Variants in RARB observed in about 807,000 individuals in gnomAD.
RARB encodes retinoic acid receptor beta, also known as HBV-activated protein.
RARB carries 17 observed loss-of-function variants against 51.9 expected under a neutral mutation model. The observed-to-expected ratio is 0.33, with a 90% CI of 0.22 to 0.49. RARB has a LOEUF of 0.49. Among genes scored for constraint, RARB ranks in the 20% least tolerant of loss-of-function variants. The pLI is 0.99. For synonymous variants in RARB, 215 were observed against 195.4 expected (o/e 1.10, Z -0.84); for missense variants, 369 against 550.8 (o/e 0.67, Z 3.30).
intron 2 of RARB, among the ~76,000 whole-genome samples, chr3:24,905,491 C>G (rs1401314833): frequency 3.3e-5 from 5 of 152,202 alleles, no homozygotes; most frequent in African/African-American, 9.6e-5. Context: ...ACTCATTCCT[C>G]TCTACGGATG....
At chr3:25,420,787 T>A (rs1273394240) in intron 5 of RARB, among the ~76,000 whole-genome samples, 2 of 151,974 alleles carry the variant, frequency 1.3e-5, no homozygotes, top group Admixed American at 6.5e-5. Flanking sequence ...GTGGATGGAT[T>A]GGTGGATGGA....
At chr3:24,972,058 T>G (rs950459551) in intron 2 of RARB, among the ~76,000 whole-genome samples, 1 of 151,914 alleles carries the variant, frequency 6.6e-6, no homozygotes, top group Non-Finnish European at 1.5e-5. Context: ...ATTAACTATA[T>G]TCAGCCTATG....
chr3:25,309,864 A>T lies in RARB; in HGVS notation c.178+135289A>T, dbSNP rs529084655. ...ATTCTCTTTTACATTACCCCTACACATGAAGGATGGCTTCTTCCAGACTGT... is the reference window on the plus strand; with the variant it reads ...ATTCTCTTTTACATTACCCCTACACTTGAAGGATGGCTTCTTCCAGACTGT... On this transcript the variant is annotated intron_variant, in intron 5 of 11. Coordinates refer to the RARB transcript ENST00000383772. Among the ~76,000 whole-genome samples the T allele has an allele frequency of 2.6e-5, 4 of 152,312 alleles. No homozygotes were observed. The East Asian group carries it at 7.7e-4, about 29-fold the overall frequency.
chr3:25,586,422 G>A (rs1172933017), intron 5 of RARB, among the ~76,000 whole-genome samples: 1 of 152,170 alleles, frequency 6.6e-6, no homozygotes, highest in African/African-American at 2.4e-5. Flanking sequence ...AGGCTCGAAA[G>A]GGGGATTTAG....
chr3:25,211,947 TA>T (rs756137699), intron 5 of RARB, among the ~76,000 whole-genome samples: 3 of 152,210 alleles, frequency 2.0e-5, no homozygotes, highest in Non-Finnish European at 4.4e-5. Context: ...TTTCCCCACT[TA>T]AAATATTTCC....
chr3:25,417,892 C>T, intron 5 of RARB, among the ~76,000 whole-genome samples: 1 of 152,180 alleles, frequency 6.6e-6, no homozygotes, highest in East Asian at 1.9e-4. Flanking sequence ...GTAAATGCTC[C>T]AGGCTGGCAC....
intron 2 of RARB, among the ~76,000 whole-genome samples, chr3:24,942,884 A>G (rs1436072202): frequency 6.6e-6 from 1 of 152,154 alleles, no homozygotes; most frequent in East Asian, 1.9e-4. Flanking sequence ...TCATTTAGCT[A>G]TTTTTTAATC....
Position 25,206,706 on chromosome 3 carries a change from C to G in RARB, c.178+32131C>G, listed in dbSNP as rs563134443. ...ACACAAAAATTATGTTGGGGTTATT[C>G]TTTCTGGAAAAAATGTGGTAGGGTG... On this transcript the variant is annotated intron_variant, in intron 5 of 11. Transcript: ENST00000383772. 3.3e-5 allele frequency among the ~76,000 whole-genome samples: 5 copies of G among 152,240 alleles called. No individual in the cohort carries two copies. In the South Asian group the frequency reaches 8.3e-4, roughly 25 times the overall value.
intron 5 of RARB, among the ~76,000 whole-genome samples, chr3:25,230,426 A>T (rs1702150284): frequency 6.6e-6 from 1 of 152,118 alleles, no homozygotes; most frequent in African/African-American, 2.4e-5. Context: ...AGGGAGCTAG[A>T]ATGACATGAA....
intron 5 of RARB, among the ~76,000 whole-genome samples, chr3:25,315,144 G>A (rs1325006524): frequency 6.6e-6 from 1 of 152,100 alleles, no homozygotes; most frequent in African/African-American, 2.4e-5. Context: ...AAATTCTTAA[G>A]AGTACGGGGC....
In RARB at chr3:25,493,156, T is replaced by A. The variant is rs1040693249; in HGVS notation, c.307-8026T>A. Among the ~76,000 whole-genome samples, 16 of 152,210 alleles carry A rather than the reference T, an allele frequency of 1.1e-4. No homozygotes were observed. The South Asian group carries it at 3.3e-3, about 32-fold the overall frequency. ...CTTTTCATTACATTTATGCCCACCCTCCCTGCCTAGAAGGAAACTCACTGT... is the reference window on the plus strand; with the variant it reads ...CTTTTCATTACATTTATGCCCACCCACCCTGCCTAGAAGGAAACTCACTGT... On this transcript the variant is annotated intron_variant, in intron 2 of 7. Coordinates refer to ENST00000330688, the MANE Select transcript of RARB (RefSeq NM_000965.5).
intron 3 of RARB, among the ~76,000 whole-genome samples, chr3:25,076,735 CT>C (rs568197774): frequency 5.5e-4 from 83 of 151,732 alleles, no homozygotes; most frequent in Middle Eastern, 3.4e-3. Flanking sequence ...ATTTTTTTTG[CT>C]TTTTAATAAA....
At chr3:25,179,797 C>A (rs569590569) in intron 5 of RARB, among the ~76,000 whole-genome samples, 2 of 152,118 alleles carry the variant, frequency 1.3e-5, no homozygotes, top group South Asian at 2.1e-4. Flanking sequence ...TCTTTTCCCC[C>A]CAAAAACAAG....
At chr3:25,554,993 ACT>A (rs1699999492) in intron 3 of RARB, among the ~76,000 whole-genome samples, 1 of 152,002 alleles carries the variant, frequency 6.6e-6, no homozygotes, top group Admixed American at 6.6e-5. Context: ...ATGGCAGAGC[ACT>A]CTCGGTCCAA....
At chr3:24,871,948 C>A (rs776723371) in intron 2 of RARB, among the ~76,000 whole-genome samples, 14 of 152,138 alleles carry the variant, frequency 9.2e-5, no homozygotes, top group Admixed American at 5.2e-4. Context: ...CCTATCATCA[C>A]CCTGGTCTGA....
At chr3:24,841,498 G>C (rs537399597) in intron 1 of RARB, among the ~76,000 whole-genome samples, 32 of 152,120 alleles carry the variant, frequency 2.1e-4, no homozygotes, top group Non-Finnish European at 4.1e-4. Context: ...ATATAGAAAA[G>C]TCATGTTGAG....
intron 3 of RARB, among the ~76,000 whole-genome samples, chr3:25,518,054 C>G (rs1440737162): frequency 4.5e-4 from 69 of 152,122 alleles, no homozygotes; most frequent in Admixed American, 4.3e-3. Flanking sequence ...GTGACTGTTT[C>G]ACAATTTGTG....
At chr3:25,044,701 TG>T (rs1698179321) in intron 2 of RARB, among the ~76,000 whole-genome samples, 1 of 152,234 alleles carries the variant, frequency 6.6e-6, no homozygotes, top group Non-Finnish European at 1.5e-5. Flanking sequence ...TTCAACTTTT[TG>T]TAGATGGAAT....
chr3:25,227,213 A>G (rs1347243848), intron 5 of RARB, among the ~76,000 whole-genome samples: 1 of 152,224 alleles, frequency 6.6e-6, no homozygotes, highest in Non-Finnish European at 1.5e-5. Flanking sequence ...AGCTTCAAAT[A>G]AATTAATAAA....
Sources: allele counts gnomAD v4.1 joint callset (sites outside exome capture counted in the v4.1 genomes callset), GRCh38; gene constraint gnomAD v4.1.1; transcripts MANE v1.5; gene names NCBI Gene and HGNC (gene_info 2026-07-23, HGNC 2026-07-21).